Variants in POM121 observed in about 807,000 individuals in gnomAD.
POM121 encodes the protein POM121 transmembrane nucleoporin, also known as nuclear envelope pore membrane protein POM 121.
In POM121, 32 loss-of-function variants were observed where a neutral mutation model predicts 81.3. That is an observed-to-expected ratio of 0.39 (90% CI 0.30 to 0.53). The LOEUF (loss-of-function observed/expected upper bound fraction) is 0.53. Ranked by LOEUF, POM121 falls within the 20% of genes least tolerant of loss-of-function variation. POM121 has a pLI of 0.66. For missense variants in POM121, 1,138 were observed against 1,614.6 expected (o/e 0.70, Z 5.06); for synonymous variants, 514 against 694.2 (o/e 0.74, Z 4.08).
intron 4 of POM121, among the ~76,000 whole-genome samples, chr7:72,918,860 C>G (rs1354229858): frequency 6.6e-6 from 1 of 152,002 alleles, no homozygotes; most frequent in Non-Finnish European, 1.5e-5. Context: ...TGCAGTGGCG[C>G]GATCTCGGCT....
intron 3 of POM121, among the ~76,000 whole-genome samples, chr7:72,893,484 T>C (rs1320801900): frequency 6.6e-6 from 1 of 151,974 alleles, no homozygotes; most frequent in Non-Finnish European, 1.5e-5. Flanking sequence ...CTTGGGAGGC[T>C]GAGGCAAGAG....
chr7:72,905,611 A>C (rs1275299538), intron 3 of POM121, among the ~76,000 whole-genome samples: 1 of 152,202 alleles, frequency 6.6e-6, no homozygotes, highest in Non-Finnish European at 1.5e-5. Flanking sequence ...GAGGCAGGAA[A>C]ATTTCTTGAA....
chr7:72,909,839 G>A (rs1793633854), intron 3 of POM121, among the ~76,000 whole-genome samples: 1 of 152,138 alleles, frequency 6.6e-6, no homozygotes, highest in South Asian at 2.1e-4. Context: ...TAGAGACAAG[G>A]TCTCACTCTG....
chr7:72,892,659 C>CCCTT (rs71098030), intron 3 of POM121, among the ~76,000 whole-genome samples: 40 of 151,394 alleles, frequency 2.6e-4, no homozygotes, highest in Non-Finnish European at 5.3e-4. Flanking sequence ...CTCCCTCCCT[C>CCCTT]CCTTCCTTCC....
chr7:72,907,446 A>AT (rs1793358859), intron 3 of POM121, among the ~76,000 whole-genome samples: 1 of 151,882 alleles, frequency 6.6e-6, no homozygotes, highest in South Asian at 2.1e-4. Flanking sequence ...GCTTTTTTAA[A>AT]TTTCTTTTTT....
chr7:72,879,999 A>G (rs1486254829), intron 1 of POM121: 10 of 379,026 alleles, frequency 2.6e-5, no homozygotes, highest in Admixed American at 9.6e-5. Flanking sequence ...CCGGAGAGAC[A>G]TGTGTTGGGT....
chr7:72,909,664 T>G (rs1793613915), intron 3 of POM121, among the ~76,000 whole-genome samples: 1 of 152,152 alleles, frequency 6.6e-6, no homozygotes, highest in African/African-American at 2.4e-5. Context: ...TTGTTGTTGT[T>G]TGGAGACAGT....
At position 72,943,444 on chromosome 7, in the gene POM121, G is replaced by A. The variant is rs782587401; in HGVS notation, c.3451G>A (p.Ala1151Thr). ...CTTCGCAGGGGGCTTAGGTCAGAAC[G>A]CCCTGGGCACCACCGGCCAGAGCAC... ...TPFAGGLGQN[A>T]LGTTGQSTPF... The change falls in exon 11 of 13, where the codon GCC (alanine) becomes ACC (threonine). Residue 1151 changes from alanine (A) to threonine (T), a missense_variant. By Grantham distance (58) the Ala-to-Thr change is moderately conservative. Coordinates refer to ENST00000434423, the MANE Select transcript of POM121 (RefSeq NM_001387691.1). 8.1e-6 allele frequency: 13 copies of A among 1,612,814 alleles called. No homozygotes were observed. Among genetic ancestry groups the A allele is most frequent in the South Asian group, 5.5e-5 (5 of 90,944 alleles).
chr7:72,907,004 G>A (rs1196647809), intron 3 of POM121, among the ~76,000 whole-genome samples: 2 of 152,040 alleles, frequency 1.3e-5, no homozygotes, highest in Non-Finnish European at 2.9e-5. Context: ...CTTAATTTTA[G>A]ATGGGTTTTT....
chr7:72,915,666 C>T (rs1554494978), intron 4 of POM121, among the ~76,000 whole-genome samples: 2 of 151,888 alleles, frequency 1.3e-5, no homozygotes, highest in Non-Finnish European at 1.5e-5. Flanking sequence ...TGAGCCACTG[C>T]GCCCAAGCTT....
chr7:72,890,812 G>A, intron 2 of POM121: 1 of 1,525,478 alleles, frequency 6.6e-7, no homozygotes, highest in Non-Finnish European at 9.1e-7. Context: ...GCTTGAGTTT[G>A]AAGAAATAAG....
At chr7:72,915,100 T>C (rs1794170621) in intron 4 of POM121, among the ~76,000 whole-genome samples, 1 of 152,178 alleles carries the variant, frequency 6.6e-6, no homozygotes, top group South Asian at 2.1e-4. Flanking sequence ...CTTGAGAGAA[T>C]CAATACAAAC....
chr7:72,891,143 G>A (rs1476872820), intron 3 of POM121: 3 of 790,914 alleles, frequency 3.8e-6, no homozygotes, highest in Non-Finnish European at 6.3e-6. Flanking sequence ...GTTAAAAAAT[G>A]CTCATCCCAG....
At chr7:72,896,277 G>A (rs1321957150) in intron 3 of POM121, among the ~76,000 whole-genome samples, 1 of 152,020 alleles carries the variant, frequency 6.6e-6, no homozygotes, top group Non-Finnish European at 1.5e-5. Flanking sequence ...TTGAGCCCAG[G>A]GGTTCGAGGT....
upstream of POM121, among the ~76,000 whole-genome samples, chr7:72,920,345 CTTTTTTTTTT>C (rs781909518): frequency 8.9e-6 from 1 of 112,544 alleles, no homozygotes; most frequent in African/African-American, 3.4e-5. Flanking sequence ...GAGTAATGGT[CTTTTTTTTTT>C]TTTTTTTTTT....
At chr7:72,950,091 C>T, downstream of POM121, 1 of 1,584,284 alleles carries the variant, frequency 6.3e-7, no homozygotes, top group East Asian at 2.2e-5. Flanking sequence ...CGGCCCGGTA[C>T]AGTGGGTGTT....
intron 3 of POM121, among the ~76,000 whole-genome samples, chr7:72,904,137 C>G (rs1207234574): frequency 6.6e-6 from 1 of 152,172 alleles, no homozygotes; most frequent in Admixed American, 6.5e-5. Context: ...AGGCTTTACT[C>G]CCTGCCTGCA....
chr7:72,949,079 C>T, downstream of POM121: 2 of 1,613,180 alleles, frequency 1.2e-6, no homozygotes, highest in Non-Finnish European at 1.7e-6. Context: ...GCCCCGGGCT[C>T]CTCCAGCTGT....
upstream of POM121, among the ~76,000 whole-genome samples, chr7:72,920,571 G>A (rs1554495850): frequency 6.6e-6 from 1 of 151,806 alleles, no homozygotes; most frequent in Non-Finnish European, 1.5e-5. Flanking sequence ...AGCCAGGATG[G>A]TCTTGATCTC....
Sources: gnomAD v4.1 joint callset for allele counts (sites outside exome capture counted in the v4.1 genomes callset) on GRCh38, gnomAD v4.1.1 for gene constraint, MANE v1.5 for transcripts, NCBI Gene and HGNC (gene_info 2026-07-23, HGNC 2026-07-21) for gene names.